CACNA1C: variants seen among roughly 807,000 people sequenced by gnomAD.
The protein encoded by CACNA1C is voltage-dependent L-type calcium channel subunit alpha-1C.
A neutral mutation model predicts 229.0 loss-of-function variants in CACNA1C; 30 were observed. That is an observed-to-expected ratio of 0.13 (90% CI 0.10 to 0.18). CACNA1C has a LOEUF of 0.18. Ranked by LOEUF, CACNA1C falls within the 10% of genes least tolerant of loss-of-function variation. The probability of loss-of-function intolerance (pLI) is 1.00; values close to 1 mark genes in which losing one functional copy is unlikely to be tolerated. For synonymous variants in CACNA1C, 1,114 were observed against 1,132.5 expected, an observed-to-expected ratio of 0.98 and a Z score of 0.33; for missense variants, 1,658 against 2,845.0, an observed-to-expected ratio of 0.58 and a Z score of 9.49.
At chr12:2,263,352 T>A (rs2081110219) in intron 3 of CACNA1C, among the ~76,000 whole-genome samples, 1 of 152,066 alleles carries the variant, frequency 6.6e-6, no homozygotes, top group East Asian at 1.9e-4. Flanking sequence ...GAGGCAGGTA[T>A]GGCTGGAACA....
At chr12:2,295,694 C>T (rs1450381161) in intron 3 of CACNA1C, among the ~76,000 whole-genome samples, 3 of 152,204 alleles carry the variant, frequency 2.0e-5, no homozygotes, top group East Asian at 1.9e-4. Context: ...GTGCTAGACC[C>T]GTTACAACCA....
chr12:2,644,588 C>T (rs1427533223), intron 30 of CACNA1C, among the ~76,000 whole-genome samples: 1 of 152,200 alleles, frequency 6.6e-6, no homozygotes, highest in Admixed American at 6.5e-5. Context: ...CGGCCTCCCA[C>T]ACCATCCTGG....
At chr12:2,636,670 G>A (rs1446296346) in intron 30 of CACNA1C, among the ~76,000 whole-genome samples, 1 of 152,170 alleles carries the variant, frequency 6.6e-6, no homozygotes, top group Non-Finnish European at 1.5e-5. Flanking sequence ...TTCCTGCTAG[G>A]CCAGAATTCC....
chr12:2,245,941 G>A (rs943473578), intron 3 of CACNA1C, among the ~76,000 whole-genome samples: 1 of 152,136 alleles, frequency 6.6e-6, no homozygotes, highest in Admixed American at 6.5e-5. Flanking sequence ...ATAAGGGACC[G>A]TGGAGCTCTA....
intron 38 of CACNA1C, among the ~76,000 whole-genome samples, chr12:2,670,247 G>A (rs2096484761): frequency 6.6e-6 from 1 of 152,116 alleles, no homozygotes; most frequent in Non-Finnish European, 1.5e-5. Flanking sequence ...TACACTTCCA[G>A]CTTAAAGCTC....
In CACNA1C at chr12:2,410,216, G is replaced by A. The variant is rs897086415; in HGVS notation, c.478-38760G>A. 8.5e-5 allele frequency among the ~76,000 whole-genome samples: 13 copies of A among 152,154 alleles called. No individual in the cohort carries two copies. Among genetic ancestry groups the A allele is most frequent in the South Asian group, 2.1e-4 (1 of 4,828 alleles). ...CCGCAGCACTGAGGCTTGGCCAGTCGTGATGCCTATGGCGACCGCAGAATC... is the reference window on the plus strand; with the variant it reads ...CCGCAGCACTGAGGCTTGGCCAGTCATGATGCCTATGGCGACCGCAGAATC... On this transcript the variant is annotated intron_variant, in intron 3 of 46. Transcript: ENST00000399655. This position sits in a 1 kb window ranked among gnomAD's most constrained non-coding sequence, Gnocchi z 5.3.
Position 2,479,831 on chromosome 12 carries a change from CA to C in CACNA1C, c.758-6272del, listed in dbSNP as rs2099663959. 6.6e-6 allele frequency among the ~76,000 whole-genome samples: 1 copy of C among 152,176 alleles called. No individual in the cohort carries two copies. Among genetic ancestry groups the C allele is most frequent in the African/African-American group, 2.4e-5 (1 of 41,438 alleles). Reference sequence around the variant, plus strand: ...TTTCCCAGGCTTGAGGTTGACTCGCCATTTCTTTTCATCCAGGCTTTCCGTA... The same window carrying C: ...TTTCCCAGGCTTGAGGTTGACTCGCCTTTCTTTTCATCCAGGCTTTCCGTA... On this transcript the variant is annotated intron_variant, in intron 5 of 46. Coordinates refer to ENST00000399655, the MANE Select transcript of CACNA1C (RefSeq NM_000719.7). This position sits in a 1 kb window ranked among gnomAD's most constrained non-coding sequence, Gnocchi z 4.3.
intron 3 of CACNA1C, among the ~76,000 whole-genome samples, chr12:2,437,775 T>C (rs866132195): frequency 6.6e-6 from 1 of 151,432 alleles, no homozygotes; most frequent in Non-Finnish European, 1.5e-5. Context: ...GTGGAGATGG[T>C]AGAGGTGGTG....
intron 3 of CACNA1C, among the ~76,000 whole-genome samples, chr12:2,328,380 A>G (rs1435113994): frequency 6.0e-5 from 9 of 149,650 alleles, no homozygotes. Context: ...CTAGGATTCT[A>G]GCATTTTTGC....
intron 13 of CACNA1C, among the ~76,000 whole-genome samples, chr12:2,577,620 C>T (rs1427760600): frequency 2.0e-5 from 3 of 152,228 alleles, no homozygotes; most frequent in Non-Finnish European, 2.9e-5. Flanking sequence ...AGTGCACACG[C>T]ACACAAACAC....
intron 3 of CACNA1C, among the ~76,000 whole-genome samples, chr12:2,306,928 A>G (rs1485373396): frequency 6.6e-6 from 1 of 152,202 alleles, no homozygotes; most frequent in Non-Finnish European, 1.5e-5. Flanking sequence ...AGTAGCGTCC[A>G]TTGGCTGTCA....
At chr12:2,122,874 C>T (rs574771487) in intron 3 of CACNA1C, among the ~76,000 whole-genome samples, 18 of 152,342 alleles carry the variant, frequency 1.2e-4, no homozygotes, top group African/African-American at 4.3e-4. Flanking sequence ...ATCATTACAA[C>T]CCGAGAGAAC....
At chr12:2,453,145 G>A (rs377631027) in intron 4 of CACNA1C, among the ~76,000 whole-genome samples, 10 of 152,246 alleles carry the variant, frequency 6.6e-5, no homozygotes, top group Admixed American at 2.0e-4. Flanking sequence ...TAGAAGGGAA[G>A]CTCCTCTGGA....
At chr12:2,335,947 G>T (rs2096679793) in intron 3 of CACNA1C, among the ~76,000 whole-genome samples, 1 of 150,060 alleles carries the variant, frequency 6.7e-6, no homozygotes, top group East Asian at 2.0e-4. Flanking sequence ...CAAACAGTTT[G>T]CAAGTAATGG....
At chr12:2,086,249 A>T (rs1297885371) in intron 1 of CACNA1C, among the ~76,000 whole-genome samples, 2 of 152,200 alleles carry the variant, frequency 1.3e-5, no homozygotes, top group Non-Finnish European at 1.5e-5. Context: ...GAAAAAATGG[A>T]TGAATGGAGG....
At position 2,595,127 on chromosome 12, in the gene CACNA1C, G is replaced by T. The variant is rs148558058; in HGVS notation, c.2664-747G>T. ...GGTTTGGTGCTTCTGCAGCAGGAGGGCTTCTCAGAGCATTTAGTCAACCAT... is the reference window on the plus strand; with the variant it reads ...GGTTTGGTGCTTCTGCAGCAGGAGGTCTTCTCAGAGCATTTAGTCAACCAT... On this transcript the variant is annotated intron_variant, in intron 19 of 46. Coordinates refer to ENST00000399655, the MANE Select transcript of CACNA1C (RefSeq NM_000719.7). This position sits in a 1 kb window ranked among gnomAD's most constrained non-coding sequence, Gnocchi z 4.1. 4.6e-4 allele frequency among the ~76,000 whole-genome samples: 70 copies of T among 152,282 alleles called. No homozygotes were observed. The East Asian group carries it at 0.013, about 28-fold the overall frequency.
intron 3 of CACNA1C, among the ~76,000 whole-genome samples, chr12:2,356,562 A>T (rs1241999534): frequency 6.6e-6 from 1 of 152,248 alleles, no homozygotes; most frequent in Non-Finnish European, 1.5e-5. Flanking sequence ...AGAGCCTGTC[A>T]CACCAGCAGT....
chr12:2,473,927 G>A (rs2099606287), intron 5 of CACNA1C, among the ~76,000 whole-genome samples: 1 of 152,134 alleles, frequency 6.6e-6, no homozygotes, highest in Non-Finnish European at 1.5e-5. Flanking sequence ...ATTAGCTTAT[G>A]GCGTAGAGTT....
intron 3 of CACNA1C, among the ~76,000 whole-genome samples, chr12:2,377,257 C>T (rs1594634098): frequency 1.3e-5 from 2 of 152,184 alleles, no homozygotes; most frequent in East Asian, 3.9e-4. Context: ...CCTCCTCTCC[C>T]GGCCCCCGTT....
Sources: allele counts gnomAD v4.1 joint callset (sites outside exome capture counted in the v4.1 genomes callset), GRCh38; gene constraint gnomAD v4.1.1; non-coding constraint Gnocchi (gnomAD v3.1); transcripts MANE v1.5; gene names NCBI Gene and HGNC (gene_info 2026-07-23, HGNC 2026-07-21).